MYO7A: variants seen among roughly 807,000 people sequenced by gnomAD.
MYO7A encodes the protein myosin VIIA.
A neutral mutation model predicts 263.8 loss-of-function variants in MYO7A; 210 were observed. The observed-to-expected ratio is 0.80, with a 90% CI of 0.71 to 0.89. The LOEUF is 0.89. MYO7A is among the 40% of genes least tolerant of loss of function. MYO7A has a pLI of 0.00. For missense variants in MYO7A, 2,820 were observed against 2,968.3 expected (o/e 0.95, Z 1.16); for synonymous variants, 1,239 against 1,197.3 (o/e 1.03, Z -0.72).
rs1565487875 is a variant in MYO7A at position 77,210,956 on chromosome 11, G to A, written c.6052-196G>A. 4 of 571,268 alleles carry A rather than the reference G, an allele frequency of 7.0e-6. No individual in the cohort carries two copies. In the East Asian group the frequency reaches 8.5e-5, roughly 12 times the overall value. 35.4% of individuals were successfully genotyped at this position (571,268 alleles called of 1,614,324 possible). On this transcript the variant is annotated intron_variant, in intron 44 of 48. Transcript: ENST00000409709. ...ACTCCAACTGCCAACTGCTGAGTCT[G>A]TGCAGGCAGACTTGCTCTGTCCCTG...
In MYO7A at chr11:77,166,087, T is replaced by C. The variant is rs1555072340; in HGVS notation, c.1722T>C (p.His574=). 2 of 1,613,820 alleles carry C rather than the reference T, an allele frequency of 1.2e-6. No individual in the cohort carries two copies. Among genetic ancestry groups the C allele is most frequent in the South Asian group, 2.2e-5 (2 of 91,050 alleles). The stretch of plus-strand genomic sequence containing the variant: ...TGGAGAAGAACCGAGACACCCTGCA[T>C]GGGGACATTATCCAGCTGGTCCACT... ...GFLEKNRDTL[H]GDIIQLVHSS... is the part of the protein sequence containing the mutation. The change falls in exon 15 of 49, where the codon CAT becomes CAC. Residue 574 remains histidine (H), a synonymous_variant. Coordinates refer to ENST00000409709, the MANE Select transcript of MYO7A (RefSeq NM_000260.4).
intron 44 of MYO7A, chr11:77,209,379 A>T (rs1211696212): frequency 6.5e-6 from 1 of 153,528 alleles, no homozygotes; most frequent in African/African-American, 2.4e-5. Context: ...TTCTGGGCTC[A>T]GCCTGCTTAC....
At chr11:77,206,247 C>T (rs779837306) in intron 41 of MYO7A, 45 bp downstream of exon 41, 14 of 1,474,082 alleles carry the variant, frequency 9.5e-6, no homozygotes, top group Admixed American at 5.7e-5. Context: ...AGGACAGGGC[C>T]GGGCTTCCTG....
rs372882699 is a variant in MYO7A, at chr11:77,201,515, C to T, written c.4920C>T (p.Gly1640=). The T allele has an allele frequency of 3.4e-5, 55 of 1,613,800 alleles. No individual in the cohort carries two copies. The highest frequency in any genetic ancestry group is 4.2e-5 in the Non-Finnish European group (49 of 1,179,888). Residue 1640 remains glycine (G), a synonymous_variant, in exon 36 of 49, where the codon GGC becomes GGT. Coordinates refer to ENST00000409709, the MANE Select transcript of MYO7A (RefSeq NM_000260.4). The part of the protein sequence containing the change: ...GDLIILDHDT[G]EQVMNSGWAN... ...TCATCATCCTGGACCATGACACGGG[C>T]GAGCAGGTCATGAACTCGGGCTGGG...
At position 77,130,701 on chromosome 11, in the gene MYO7A, C is replaced by G. The variant is rs782194763; in HGVS notation, c.18+49C>G. On this transcript the variant is annotated intron_variant, in intron 2 of 48. Coordinates refer to ENST00000409709, the MANE Select transcript of MYO7A (RefSeq NM_000260.4). The stretch of plus-strand genomic sequence containing the variant: ...TGGCCTGTCCTCCCCAGGCCATATC[C>G]CCTCATCCATATGCTTACCCGTGGG... 10 of 1,602,676 alleles carry G rather than the reference C, an allele frequency of 6.2e-6. No homozygotes were observed. In the African/African-American group the frequency reaches 1.3e-4, roughly 21 times the overall value.
In MYO7A at chr11:77,129,108, C is replaced by A. The variant is rs117238481; in HGVS notation, c.-47+619C>A. Among the ~76,000 whole-genome samples, 809 of 152,330 alleles carry A rather than the reference C, an allele frequency of 5.3e-3. 6 individuals carry two copies. The highest frequency in any genetic ancestry group is 5.1e-3 in the Non-Finnish European group (350 of 68,032). ...GTGGCCCTTAAATTTCACGCCCTCA[C>A]CACTCTCCCCCATCCCTTGGAGCCC... On this transcript the variant is annotated intron_variant, in intron 1 of 48. Transcript: ENST00000409709.
In MYO7A at chr11:77,190,765, G is replaced by A. The variant is rs1956001407; in HGVS notation, c.3819G>A (p.Leu1273=). The A allele has an allele frequency of 6.3e-7, 1 of 1,599,436 alleles. No homozygotes were observed. The highest frequency in any genetic ancestry group is 1.1e-5 in the South Asian group (1 of 88,008). Residue 1273 remains leucine (L), a synonymous_variant, in exon 30 of 49, where the codon CTG becomes CTA. Coordinates refer to ENST00000409709, the MANE Select transcript of MYO7A (RefSeq NM_000260.4). ...TFMDGTTKTL[L]TDSATTAKEL... is the part of the protein sequence containing the mutation. ...TGGATGGGACCACCAAGACCCTGCT[G>A]ACGGACTCGGCAACCACGGCCAAGG...
intron 42 of MYO7A, 45 bp downstream of exon 42, chr11:77,207,447 C>G (rs1256251995): frequency 7.2e-7 from 1 of 1,386,790 alleles, no homozygotes; most frequent in Non-Finnish European, 1.0e-6. Context: ...TTTGCTGGGG[C>G]CATAGGAACT....
intron 15 of MYO7A, among the ~76,000 whole-genome samples, chr11:77,167,180 T>A (rs1953630896): frequency 6.6e-6 from 1 of 152,172 alleles, no homozygotes; most frequent in Non-Finnish European, 1.5e-5. Flanking sequence ...TTGAGTTGTG[T>A]GTGCTGCAGG....
intron 44 of MYO7A, 122 bp downstream of exon 44, chr11:77,208,925 G>T: frequency 1.3e-6 from 1 of 774,118 alleles, no homozygotes; most frequent in East Asian, 2.7e-5. Context: ...GCCTCAAAGG[G>T]ATTCCTGCCA....
intron 2 of MYO7A, among the ~76,000 whole-genome samples, chr11:77,140,555 CGCTCTGGGCTGG>C (rs1410496654): frequency 1.3e-5 from 2 of 152,048 alleles, no homozygotes; most frequent in Non-Finnish European, 2.9e-5. Flanking sequence ...CACCGAGGCC[CGCTCTGGGCTGG>C]GCTCTGGGGA....
intron 18 of MYO7A, among the ~76,000 whole-genome samples, chr11:77,175,824 CTT>C (rs1392558041): frequency 1.3e-5 from 2 of 152,204 alleles, no homozygotes; most frequent in African/African-American, 4.8e-5. Flanking sequence ...TGTGGGGTCT[CTT>C]GAGTGTATCT....
intron 4 of MYO7A, 132 bp downstream of exon 4, chr11:77,148,082 G>T (rs1951712986): frequency 1.2e-6 from 1 of 852,040 alleles, no homozygotes; most frequent in East Asian, 3.0e-5. Flanking sequence ...TGTCCGCTGT[G>T]CAGCTGGACC....
intron 27 of MYO7A, chr11:77,184,999 T>C: frequency 1.6e-6 from 1 of 624,584 alleles, no homozygotes; most frequent in Admixed American, 2.5e-5. Context: ...CAGAAATATT[T>C]TGGTTTCCCA....
Position 77,161,053 on chromosome 11 carries a change from G to A in MYO7A, c.1281G>A (p.Lys427=). The change falls in exon 12 of 49, where the codon AAG becomes AAA. Residue 427 remains lysine, a synonymous_variant. Transcript: ENST00000409709. ...AIYKPPSQDV[K]NSRRSIGLLD... ...ACAAGCCTCCCTCCCAGGATGTGAAGAACTCTCGCAGGTCCATCGGCCTCC... is the reference window on the plus strand; with the variant it reads ...ACAAGCCTCCCTCCCAGGATGTGAAAAACTCTCGCAGGTCCATCGGCCTCC... 1 of 1,613,966 alleles carries A rather than the reference G, an allele frequency of 6.2e-7. No homozygotes were observed. The highest frequency in any genetic ancestry group is 8.5e-7 in the Non-Finnish European group (1 of 1,179,872).
chr11:77,199,876 G>A, intron 35 of MYO7A, 58 bp downstream of exon 35: 2 of 1,447,910 alleles, frequency 1.4e-6, no homozygotes, highest in South Asian at 1.4e-5. Flanking sequence ...TATGCAGACT[G>A]TCTTAGTCCA....
intron 11 of MYO7A, among the ~76,000 whole-genome samples, chr11:77,160,489 C>CT (rs1437255315): frequency 3.3e-5 from 5 of 152,186 alleles, no homozygotes; most frequent in African/African-American, 9.7e-5. Context: ...AGGCCCTTGG[C>CT]TTTTGGCCTG....
chr11:77,197,405 AG>A, intron 32 of MYO7A, 75 bp from the exon 33 acceptor site: 1 of 1,182,566 alleles, frequency 8.5e-7, no homozygotes, highest in Non-Finnish European at 1.2e-6. Flanking sequence ...CCTGGCTAGA[AG>A]GCAGCAGCAG....
intron 46 of MYO7A, 136 bp from the exon 47 acceptor site, chr11:77,212,816 A>G (rs530308197): frequency 2.7e-6 from 2 of 735,524 alleles, no homozygotes; most frequent in South Asian, 3.1e-5. Flanking sequence ...GCCATAGGTC[A>G]TGGCAGGGCC....
Sources: gnomAD v4.1 joint callset for allele counts (sites outside exome capture counted in the v4.1 genomes callset) on GRCh38, gnomAD v4.1.1 for gene constraint, MANE v1.5 for transcripts, NCBI Gene and HGNC (gene_info 2026-07-23, HGNC 2026-07-21) for gene names.